XPO5: variants seen among roughly 807,000 people sequenced by gnomAD.
The protein encoded by XPO5 is exportin-5.
In XPO5, 46 loss-of-function variants were observed where a neutral mutation model predicts 160.6. The observed-to-expected ratio is 0.29, with a 90% CI of 0.23 to 0.37. The LOEUF (loss-of-function observed/expected upper bound fraction) is 0.37, where lower values mean the gene tolerates loss of function less well. Ranked by LOEUF, XPO5 falls within the 10% of genes least tolerant of loss-of-function variation. The pLI, the probability that XPO5 is intolerant of heterozygous loss-of-function variation, is 1.00. For missense variants in XPO5, 1,090 were observed against 1,463.9 expected (o/e 0.74, Z 4.17); for synonymous variants, 537 against 519.3 (o/e 1.03, Z -0.46).
At chr6:43,569,901 A>G (rs1762904070) in intron 5 of XPO5, among the ~76,000 whole-genome samples, 1 of 150,920 alleles carries the variant, frequency 6.6e-6, no homozygotes, top group Non-Finnish European at 1.5e-5. Flanking sequence ...TTGCTAACAC[A>G]GCGAAACTCC....
At chr6:43,526,536 A>G in intron 27 of XPO5, 149 bp downstream of exon 27, 1 of 810,010 alleles carries the variant, frequency 1.2e-6, no homozygotes, top group Non-Finnish European at 2.0e-6. Context: ...AGTATGATGG[A>G]GGCACACAGC....
At chr6:43,541,877 G>T (rs558705479) in intron 20 of XPO5, among the ~76,000 whole-genome samples, 1 of 151,998 alleles carries the variant, frequency 6.6e-6, no homozygotes, top group Admixed American at 6.6e-5. Flanking sequence ...TCCTGGGTTC[G>T]AGTGATTCTC....
At chr6:43,562,776 C>T (rs981253692) in intron 8 of XPO5, among the ~76,000 whole-genome samples, 6 of 152,120 alleles carry the variant, frequency 3.9e-5, no homozygotes, top group Admixed American at 3.9e-4. Flanking sequence ...ATGGCACCCA[C>T]AGCACAAACA....
chr6:43,540,087 C>T (rs1794607785), intron 20 of XPO5, among the ~76,000 whole-genome samples: 1 of 152,134 alleles, frequency 6.6e-6, no homozygotes, highest in Admixed American at 6.5e-5. Flanking sequence ...GAAACCCTGT[C>T]TCTACTGAAG....
At chr6:43,525,626 G>A in intron 28 of XPO5, 1 of 576,258 alleles carries the variant, frequency 1.7e-6, no homozygotes, top group Non-Finnish European at 3.0e-6. Flanking sequence ...TGCCTACTAT[G>A]TGTTTTCCTG....
At chr6:43,559,000 A>G (rs17287964) in intron 11 of XPO5, 9,403 of 158,396 alleles carry the variant, frequency 0.059, 384 homozygotes, top group Non-Finnish European at 0.088. Context: ...ATGGCAGAAA[A>G]TAAGAACACA....
intron 13 of XPO5, 25 bp downstream of exon 13, chr6:43,555,811 A>C: frequency 1.2e-6 from 2 of 1,613,530 alleles, no homozygotes; most frequent in Middle Eastern, 1.7e-4. Context: ...CATTTCACTA[A>C]CATTCAGTAA....
At chr6:43,572,358 TGA>T in intron 3 of XPO5, 146 bp downstream of exon 3, 1 of 729,664 alleles carries the variant, frequency 1.4e-6, no homozygotes, top group South Asian at 1.8e-5. Flanking sequence ...ATTACAGGTG[TGA>T]GTCACTGTGC....
intron 10 of XPO5, 38 bp downstream of exon 10, chr6:43,560,886 T>C: frequency 6.6e-7 from 1 of 1,524,540 alleles, no homozygotes; most frequent in Non-Finnish European, 9.1e-7. Flanking sequence ...TTGGTTCACC[T>C]AACTAAACTT....
chr6:43,527,448 A>G (rs149735230), intron 26 of XPO5, 186 bp downstream of exon 26: 2 of 541,522 alleles, frequency 3.7e-6, no homozygotes, highest in East Asian at 3.4e-5. Flanking sequence ...TAATTTTTGT[A>G]TTATTAGTAG....
intron 19 of XPO5, 70 bp from the exon 20 acceptor site, chr6:43,546,822 A>G (rs1326345509): frequency 7.0e-7 from 1 of 1,422,530 alleles, no homozygotes; most frequent in Non-Finnish European, 9.4e-7. Context: ...ACTGTTAGAT[A>G]TATTCAAGGT....
At chr6:43,538,659 A>G (rs934385771) in intron 20 of XPO5, among the ~76,000 whole-genome samples, 2 of 152,108 alleles carry the variant, frequency 1.3e-5, no homozygotes, top group African/African-American at 4.8e-5. Flanking sequence ...TTTCGTCTCT[A>G]TGTTTACAAG....
Position 43,549,907 on chromosome 6 carries a change from C to T in XPO5, c.1756G>A (p.Val586Ile), listed in dbSNP as rs1348897077. Residue 586 changes from valine to isoleucine, a missense_variant, in exon 16 of 32, where the codon GTT becomes ATT. Val to Ile is a conservative substitution (Grantham distance 29). Coordinates refer to ENST00000265351, the MANE Select transcript of XPO5 (RefSeq NM_020750.3). The part of the protein sequence containing the change: ...KLFSSVTFET[V>I]EESKAPRTRA... The stretch of plus-strand genomic sequence containing the variant: ...AATGGTCTTACCTTACTTTCTTCAA[C>T]AGTTTCAAAAGTGACAGATGAAAAT... 3.7e-6 allele frequency: 6 copies of T among 1,611,588 alleles called. No individual in the cohort carries two copies. In the Admixed American group the frequency reaches 1.0e-4, roughly 27 times the overall value.
Position 43,530,708 on chromosome 6 carries a change from T to TA in XPO5, c.2656dup (p.Tyr886LeufsTer24). On this transcript the variant is annotated frameshift_variant, in exon 23 of 32. Transcript: ENST00000265351. LOFTEE classifies it high-confidence loss of function. ...GATATGAAGCATGGGTCTGAGTCGG[T>TA]AGTCAGGAATATTGTTCAAGTTGAC... 6.2e-7 allele frequency: 1 copy of TA among 1,613,986 alleles called. No individual in the cohort carries two copies. The highest frequency in any genetic ancestry group is 8.5e-7 in the Non-Finnish European group (1 of 1,179,894).
At chr6:43,529,271 G>A (rs368932102) in intron 23 of XPO5, 221 of 1,350,440 alleles carry the variant, frequency 1.6e-4, no homozygotes, top group Middle Eastern at 6.3e-4. Context: ...TGCTGGCTGC[G>A]GTGGCTCACA....
chr6:43,551,412 A>G lies in XPO5; in HGVS notation c.1614T>C (p.Val538=). ...GGGGATCCTTGGTATCAAAGTTCAG[A>G]ACCATCTGCAATAGCTCTATTCCAT... The part of the protein sequence containing the change: ...VNDGIELLQM[V]LNFDTKDPLI... The change falls in exon 15 of 32, where the codon GTT becomes GTC. Residue 538 remains valine, a synonymous_variant. Coordinates refer to ENST00000265351, the MANE Select transcript of XPO5 (RefSeq NM_020750.3). 1.2e-6 allele frequency: 2 copies of G among 1,613,992 alleles called. No individual in the cohort carries two copies. The highest frequency in any genetic ancestry group is 1.7e-6 in the Non-Finnish European group (2 of 1,179,872).
intron 20 of XPO5, among the ~76,000 whole-genome samples, chr6:43,542,566 T>C (rs1357270640): frequency 6.6e-6 from 1 of 152,062 alleles, no homozygotes; most frequent in Non-Finnish European, 1.5e-5. Context: ...CCTGCCACCA[T>C]GCCCAGCTAA....
intron 3 of XPO5, among the ~76,000 whole-genome samples, chr6:43,571,674 A>T (rs1483966750): frequency 6.6e-6 from 1 of 152,112 alleles, no homozygotes; most frequent in Admixed American, 6.5e-5. Context: ...TGGGCATGGT[A>T]CCACATGCCT....
Position 43,560,297 on chromosome 6 carries a change from G to T in XPO5, c.1102C>A (p.Arg368Ser). Residue 368 changes from arginine (R) to serine (S), a missense_variant, in exon 11 of 32, where the codon CGC becomes AGC. Transcript: ENST00000265351. ...AFTTHPSQFL[R>S]SSTQMTWGAL... ...CCCCAAGTCATCTGAGTTGAAGAGC[G>T]TAGAAACTAAAGAGAAAAAAAAAAG... The T allele has an allele frequency of 6.2e-7, 1 of 1,605,186 alleles. No homozygotes were observed. The highest frequency in any genetic ancestry group is 8.5e-7 in the Non-Finnish European group (1 of 1,176,296).
Sources: gnomAD v4.1 joint callset for allele counts (sites outside exome capture counted in the v4.1 genomes callset) on GRCh38, gnomAD v4.1.1 for gene constraint, MANE v1.5 for transcripts, NCBI Gene and HGNC (gene_info 2026-07-23, HGNC 2026-07-21) for gene names.